Variants in AP3B1 observed in about 807,000 individuals in gnomAD.
AP3B1 encodes AP-3 complex subunit beta-1.
In AP3B1, 61 loss-of-function variants were observed where a neutral mutation model predicts 132.5. The ratio of observed to expected loss-of-function variants is 0.46; its 90% CI spans 0.37 to 0.57. AP3B1 has a LOEUF of 0.57. Ranked by LOEUF, AP3B1 falls within the 20% of genes least tolerant of loss-of-function variation. AP3B1 has a pLI of 0.00. For synonymous variants in AP3B1, 388 were observed against 438.3 expected, an observed-to-expected ratio of 0.89 and a Z score of 1.43; for missense variants, 1,120 against 1,289.4, an observed-to-expected ratio of 0.87 and a Z score of 2.01.
chr5:78,110,060 G>A, intron 20 of AP3B1, 147 bp downstream of exon 20: 1 of 703,670 alleles, frequency 1.4e-6, no homozygotes, highest in Non-Finnish European at 2.3e-6. Context: ...ATTTTTTAAA[G>A]TTTCTAGCAT....
chr5:78,064,562 T>C (rs1367114330), intron 22 of AP3B1, among the ~76,000 whole-genome samples: 1 of 152,218 alleles, frequency 6.6e-6, no homozygotes, highest in Admixed American at 6.5e-5. Context: ...TCATGTCTGA[T>C]AGCTGCTAAA....
At chr5:78,015,372 G>T in intron 26 of AP3B1, 38 bp downstream of exon 26, 1 of 1,606,296 alleles carries the variant, frequency 6.2e-7, no homozygotes, top group Non-Finnish European at 8.5e-7. Flanking sequence ...ACATATTCAA[G>T]TCATCTTCAC....
chr5:78,064,786 C>A (rs1046281693), intron 22 of AP3B1, among the ~76,000 whole-genome samples: 2 of 152,118 alleles, frequency 1.3e-5, no homozygotes, highest in African/African-American at 4.8e-5. Context: ...ATTTTACTGT[C>A]TTAAATATTA....
intron 22 of AP3B1, 151 bp from the exon 23 acceptor site, chr5:78,039,425 T>C (rs1351281378): frequency 1.9e-5 from 13 of 687,430 alleles, no homozygotes; most frequent in East Asian, 1.9e-4. Flanking sequence ...ATCACACACA[T>C]AGATATTAGT....
At chr5:78,001,260 C>G (rs1015470732), downstream of AP3B1, 1 of 152,196 alleles carries the variant, frequency 6.6e-6, no homozygotes, top group African/African-American at 2.4e-5. Context: ...CAAATTCTGT[C>G]TGACATTTCA....
intron 21 of AP3B1, 22 bp downstream of exon 21, chr5:78,100,931 T>C: frequency 7.2e-7 from 1 of 1,391,212 alleles, no homozygotes; most frequent in Non-Finnish European, 1.0e-6. Context: ...ACAGAAGAAA[T>C]ATTTTAAATT....
At chr5:78,228,922 A>G (rs1177002936) in intron 3 of AP3B1, among the ~76,000 whole-genome samples, 2 of 151,634 alleles carry the variant, frequency 1.3e-5, no homozygotes, top group African/African-American at 4.9e-5. Context: ...TTCTGGAAAC[A>G]GTTTTTTTTG....
At chr5:78,228,923 G>A (rs1263623803) in intron 3 of AP3B1, among the ~76,000 whole-genome samples, 1 of 151,990 alleles carries the variant, frequency 6.6e-6, no homozygotes, top group African/African-American at 2.4e-5. Flanking sequence ...TCTGGAAACA[G>A]TTTTTTTTGG....
intron 2 of AP3B1, among the ~76,000 whole-genome samples, chr5:78,247,387 T>C (rs6873334): frequency 6.6e-6 from 1 of 150,932 alleles, no homozygotes; most frequent in Non-Finnish European, 1.5e-5. Context: ...TAAGTTGATA[T>C]TATTCTAGTC....
At chr5:78,103,152 A>T (rs940945083) in intron 20 of AP3B1, among the ~76,000 whole-genome samples, 1 of 152,190 alleles carries the variant, frequency 6.6e-6, no homozygotes, top group Non-Finnish European at 1.5e-5. Flanking sequence ...TTCATTTTAA[A>T]AAATCCATAG....
At chr5:78,153,491 A>T (rs1197898522) in intron 14 of AP3B1, among the ~76,000 whole-genome samples, 1 of 150,896 alleles carries the variant, frequency 6.6e-6, no homozygotes, top group Non-Finnish European at 1.5e-5. Flanking sequence ...TTAGGTCTTG[A>T]TTTTTTATAC....
At chr5:78,001,884 A>C (rs1391621988), downstream of AP3B1, 1 of 152,244 alleles carries the variant, frequency 6.6e-6, no homozygotes, top group African/African-American at 2.4e-5. Flanking sequence ...CAACCTTGAA[A>C]ACAGTAACTT....
chr5:78,186,682 A>G (rs1336540215), intron 7 of AP3B1, among the ~76,000 whole-genome samples: 1 of 152,212 alleles, frequency 6.6e-6, no homozygotes, highest in East Asian at 1.9e-4. Context: ...ATTGAATAAA[A>G]CTAAGGAGAT....
chr5:78,030,281 G>A (rs1747519340), intron 24 of AP3B1, among the ~76,000 whole-genome samples: 1 of 152,004 alleles, frequency 6.6e-6, no homozygotes. Flanking sequence ...GGGACTACAG[G>A]CATGCATCAC....
chr5:78,243,865 G>C (rs1243036362), intron 2 of AP3B1, among the ~76,000 whole-genome samples: 2 of 152,234 alleles, frequency 1.3e-5, no homozygotes, highest in African/African-American at 4.8e-5. Flanking sequence ...CTTTTACTAT[G>C]AGTGAAGCAG....
At chr5:78,104,724 T>C (rs1036660924) in intron 20 of AP3B1, among the ~76,000 whole-genome samples, 12 of 152,130 alleles carry the variant, frequency 7.9e-5, no homozygotes, top group Admixed American at 1.3e-4. Context: ...AAATAAAAGA[T>C]CTTTATTGCC....
chr5:78,122,503 G>A (rs1225501322), intron 17 of AP3B1, among the ~76,000 whole-genome samples: 2 of 152,140 alleles, frequency 1.3e-5, no homozygotes, highest in East Asian at 3.8e-4. Context: ...CAAAGTCTCA[G>A]GATACAAAAT....
At chr5:78,121,970 C>G (rs1240408132) in intron 17 of AP3B1, 1 of 152,206 alleles carries the variant, frequency 6.6e-6, no homozygotes, top group East Asian at 1.9e-4. Flanking sequence ...AAACCGAATC[C>G]AGCAGCACAT....
intron 16 of AP3B1, among the ~76,000 whole-genome samples, 164 bp from the exon 17 acceptor site, chr5:78,128,324 G>C (rs879861697): frequency 6.6e-6 from 1 of 152,100 alleles, no homozygotes; most frequent in African/African-American, 2.4e-5. Flanking sequence ...TCAGTCCATA[G>C]ATTACAATAA....
Sources: allele counts gnomAD v4.1 joint callset (sites outside exome capture counted in the v4.1 genomes callset), GRCh38; gene constraint gnomAD v4.1.1; transcripts MANE v1.5; gene names NCBI Gene and HGNC (gene_info 2026-07-23, HGNC 2026-07-21).